Variants in IQCH observed in about 807,000 individuals in gnomAD.
IQCH encodes the protein IQ domain-containing protein H.
Under a neutral mutation model 117.0 loss-of-function variants are expected in IQCH, and 98 were observed. The ratio of observed to expected loss-of-function variants is 0.84; its 90% CI spans 0.71 to 0.99. The LOEUF (loss-of-function observed/expected upper bound fraction) is 0.99. IQCH is among the 50% of genes least tolerant of loss of function. The probability of loss-of-function intolerance (pLI) is 0.00; values close to 1 mark genes in which losing one functional copy is unlikely to be tolerated. For missense variants in IQCH, 1,102 were observed against 1,243.8 expected (o/e 0.89, Z 1.72); for synonymous variants, 412 against 448.2 (o/e 0.92, Z 1.02).
intron 5 of IQCH, among the ~76,000 whole-genome samples, chr15:67,343,449 A>G (rs1009703148): frequency 6.6e-6 from 1 of 152,238 alleles, no homozygotes; most frequent in Non-Finnish European, 1.5e-5. Flanking sequence ...CTTATCCTTC[A>G]AAAGATTTGG....
intron 16 of IQCH, among the ~76,000 whole-genome samples, chr15:67,439,888 C>CAAA (rs201813482): frequency 6.0e-5 from 5 of 83,970 alleles, no homozygotes; most frequent in Middle Eastern, 7.9e-3. Context: ...AACTCCGTCT[C>CAAA]AAAAAAAAAA....
intron 18 of IQCH, among the ~76,000 whole-genome samples, chr15:67,486,539 C>T (rs1354174709): frequency 5.9e-5 from 9 of 152,012 alleles, no homozygotes; most frequent in Admixed American, 5.9e-4. Context: ...TACTAATGCT[C>T]CTTCTCAATA....
chr15:67,445,751 T>G lies in IQCH; in HGVS notation c.2506-19376T>G, dbSNP rs1203807256. Reference sequence around the variant, plus strand: ...CGCACCTGGCCTGTTTTTTAATCTTTGTAGATGTCTCCACAAATGTCTTAA... The same window carrying G: ...CGCACCTGGCCTGTTTTTTAATCTTGGTAGATGTCTCCACAAATGTCTTAA... On this transcript the variant is annotated intron_variant, in intron 16 of 20. Coordinates refer to ENST00000335894, the MANE Select transcript of IQCH (RefSeq NM_001031715.3). This position sits in a 1 kb window ranked among gnomAD's most constrained non-coding sequence, Gnocchi z 4.3. Among the ~76,000 whole-genome samples, 1 of 152,200 alleles carries G rather than the reference T, an allele frequency of 6.6e-6. No homozygotes were observed. The highest frequency in any genetic ancestry group is 1.5e-5 in the Non-Finnish European group (1 of 68,046).
intron 5 of IQCH, among the ~76,000 whole-genome samples, chr15:67,341,541 A>G (rs1969175200): frequency 6.6e-6 from 1 of 152,226 alleles, no homozygotes; most frequent in African/African-American, 2.4e-5. Flanking sequence ...GTGGGGGCCA[A>G]GAAAAATCAT....
intron 20 of IQCH, among the ~76,000 whole-genome samples, chr15:67,499,297 CAAAAA>C (rs59618730): frequency 1.7e-3 from 83 of 49,152 alleles, no homozygotes; most frequent in East Asian, 4.3e-3. Context: ...AGACCTGTCC[CAAAAA>C]AAAAAAAAAA....
Position 67,447,013 on chromosome 15 carries a change from A to T in IQCH, c.2506-18114A>T, listed in dbSNP as rs530713296. 2.0e-5 allele frequency among the ~76,000 whole-genome samples: 3 copies of T among 152,330 alleles called. No homozygotes were observed. The highest frequency in any genetic ancestry group is 7.2e-5 in the African/African-American group (3 of 41,572). ...AGCATTTGTTTCCCTCGCCAGGCTG[A>T]GAGCAATCAACAGGGTCAAGCACAG... On this transcript the variant is annotated intron_variant, in intron 16 of 20. Transcript: ENST00000335894. This position sits in a 1 kb window ranked among gnomAD's most constrained non-coding sequence, Gnocchi z 5.3.
intron 3 of IQCH, among the ~76,000 whole-genome samples, chr15:67,266,837 T>TG (rs1355112730): frequency 6.6e-6 from 1 of 152,126 alleles, no homozygotes; most frequent in Non-Finnish European, 1.5e-5. Flanking sequence ...CTAATATGGG[T>TG]GAAAAAAAAG....
chr15:67,260,644 T>C (rs1280553237), intron 1 of IQCH, among the ~76,000 whole-genome samples: 1 of 152,220 alleles, frequency 6.6e-6, no homozygotes, highest in Admixed American at 6.5e-5. Flanking sequence ...AAACCTCTTA[T>C]CATCTCTGAC....
intron 4 of IQCH, among the ~76,000 whole-genome samples, chr15:67,302,924 T>C (rs1306663961): frequency 6.6e-6 from 1 of 152,188 alleles, no homozygotes; most frequent in Non-Finnish European, 1.5e-5. Flanking sequence ...TTGGGATATC[T>C]GTTAAAGACC....
At chr15:67,264,286 T>A (rs1965577559) in intron 3 of IQCH, among the ~76,000 whole-genome samples, 1 of 151,866 alleles carries the variant, frequency 6.6e-6, no homozygotes, top group African/African-American at 2.4e-5. Flanking sequence ...ATTAGTTATC[T>A]GTTGTTTAAG....
chr15:67,332,155 C>G (rs774419291), intron 4 of IQCH, among the ~76,000 whole-genome samples: 1 of 152,086 alleles, frequency 6.6e-6, no homozygotes, highest in Non-Finnish European at 1.5e-5. Flanking sequence ...AGAAAATTTT[C>G]TCAAAGTCAA....
rs2081772361 is a variant in IQCH at position 67,422,382 on chromosome 15, C to T, written c.2505+805C>T. ...AGATACCTCATAAATATAAAAAGGT[C>T]TAAATAATAATATAATCAATATCAT... On this transcript the variant is annotated intron_variant, in intron 16 of 20. Coordinates refer to ENST00000335894, the MANE Select transcript of IQCH (RefSeq NM_001031715.3). The surrounding 1 kb of genome is among the most constrained non-coding windows in gnomAD (Gnocchi z 4.7). Among the ~76,000 whole-genome samples, 1 of 152,008 alleles carries T rather than the reference C, an allele frequency of 6.6e-6. No homozygotes were observed. Among genetic ancestry groups the T allele is most frequent in the Non-Finnish European group, 1.5e-5 (1 of 68,002 alleles).
Position 67,425,398 on chromosome 15 carries a change from G to A in IQCH, c.2505+3821G>A, listed in dbSNP as rs1410470763. Among the ~76,000 whole-genome samples the A allele has an allele frequency of 1.3e-5, 2 of 152,170 alleles. No homozygotes were observed. Among genetic ancestry groups the A allele is most frequent in the African/African-American group, 4.8e-5 (2 of 41,436 alleles). ...GGTGGCCGAGGTGGGTGGATCACGA[G>A]GTCAGGAGTTCAAGACCAGCTTGGC... is the stretch of plus-strand genomic sequence containing the variant. On this transcript the variant is annotated intron_variant, in intron 16 of 20. Transcript: ENST00000335894. This position sits in a 1 kb window ranked among gnomAD's most constrained non-coding sequence, Gnocchi z 5.5.
chr15:67,477,268 C>T (rs1252076138), intron 18 of IQCH, among the ~76,000 whole-genome samples: 4 of 151,976 alleles, frequency 2.6e-5, no homozygotes, highest in African/African-American at 9.7e-5. Context: ...CCAGGATGGT[C>T]TTGATCTCGA....
At chr15:67,418,472 A>C (rs1403937605) in intron 15 of IQCH, among the ~76,000 whole-genome samples, 1 of 143,592 alleles carries the variant, frequency 7.0e-6, no homozygotes, top group African/African-American at 2.6e-5. Context: ...CAAGTAAGGA[A>C]AGTCAACCCC....
chr15:67,339,926 C>T (rs554090621), intron 5 of IQCH, among the ~76,000 whole-genome samples: 1 of 152,272 alleles, frequency 6.6e-6, no homozygotes, highest in African/African-American at 2.4e-5. Context: ...AAACTCTGTT[C>T]ATCAGATTTC....
At position 67,466,315 on chromosome 15, in the gene IQCH, G is replaced by A. The variant is rs2082932537; in HGVS notation, c.2676+1018G>A. Among the ~76,000 whole-genome samples the A allele has an allele frequency of 6.6e-6, 1 of 152,180 alleles. No individual in the cohort carries two copies. The highest frequency in any genetic ancestry group is 1.5e-5 in the Non-Finnish European group (1 of 68,036). ...GATGCCCTTTGTGCAAGAGTGTATTGGGGACTCTCTGGCCACGGTGCTCTC... is the reference window on the plus strand; with the variant it reads ...GATGCCCTTTGTGCAAGAGTGTATTAGGGACTCTCTGGCCACGGTGCTCTC... On this transcript the variant is annotated intron_variant, in intron 17 of 20. Transcript: ENST00000335894. This position sits in a 1 kb window ranked among gnomAD's most constrained non-coding sequence, Gnocchi z 4.4.
In IQCH at chr15:67,369,428, A is replaced by G. The variant is rs1007846679; in HGVS notation, c.754-2683A>G. On this transcript the variant is annotated intron_variant, in intron 8 of 20. Transcript: ENST00000335894. The surrounding 1 kb of genome is among the most constrained non-coding windows in gnomAD (Gnocchi z 5.2). Reference sequence around the variant, plus strand: ...AGGAAAAAAAAATTGCCGTCAAGTCAGTAATATCATATTGGGAGTACAGCA... The same window carrying G: ...AGGAAAAAAAAATTGCCGTCAAGTCGGTAATATCATATTGGGAGTACAGCA... Among the ~76,000 whole-genome samples the G allele has an allele frequency of 1.2e-4, 18 of 152,056 alleles. No homozygotes were observed. Among genetic ancestry groups the G allele is most frequent in the African/African-American group, 3.9e-4 (16 of 41,466 alleles).
chr15:67,297,648 A>G (rs1966862648), intron 4 of IQCH, among the ~76,000 whole-genome samples: 2 of 152,040 alleles, frequency 1.3e-5, no homozygotes, highest in African/African-American at 4.8e-5. Context: ...TCCATGCGCA[A>G]TTTTCCCCAA....
Sources: gnomAD v4.1 joint callset for allele counts (sites outside exome capture counted in the v4.1 genomes callset) on GRCh38, gnomAD v4.1.1 for gene constraint, Gnocchi (gnomAD v3.1) non-coding constraint, MANE v1.5 for transcripts, NCBI Gene and HGNC (gene_info 2026-07-23, HGNC 2026-07-21) for gene names.